CYBC1: variants seen among roughly 807,000 people sequenced by gnomAD.
CYBC1 encodes cytochrome b-245 chaperone 1, also known as essential for reactive oxygen species protein.
A neutral mutation model predicts 21.7 loss-of-function variants in CYBC1; 22 were observed. The observed-to-expected ratio is 1.02, with a 90% CI of 0.73 to 1.45. The LOEUF (loss-of-function observed/expected upper bound fraction) is 1.45, where lower values mean the gene tolerates loss of function less well. CYBC1 is among the 40% of genes most tolerant of loss of function. CYBC1 has a pLI of 0.00. For missense variants in CYBC1, 237 were observed against 242.1 expected (o/e 0.98, Z 0.14); for synonymous variants, 112 against 98.7 (o/e 1.13, Z -0.80).
chr17:82,442,879 C>T lies in CYBC1; in HGVS notation c.*1125G>A, dbSNP rs8008. 0.11 allele frequency: 38,934 copies of T among 348,118 alleles called. 2,830 individuals are homozygous for T. The highest frequency in any genetic ancestry group is 0.22 in the East Asian group (4,766 of 21,190). The allele number at this position is 348,118 out of a possible 1,614,324, so 21.6% of individuals were successfully genotyped here. A position where few individuals can be genotyped will look rare whatever the true frequency, so the allele number is the denominator to read the frequency against. ...GCCAGGGCATCAGGCCAGGCGCGCTCGGTGCACACCGCACCTGGGAGGACC... is the reference window on the plus strand; with the variant it reads ...GCCAGGGCATCAGGCCAGGCGCGCTTGGTGCACACCGCACCTGGGAGGACC... On this transcript the variant is annotated 3_prime_UTR_variant, in exon 7 of 7. Transcript: ENST00000306645. The surrounding 1 kb of genome is among the most constrained non-coding windows in gnomAD (Gnocchi z 6.8).
chr17:82,446,182 G>A (rs2054277309), intron 4 of CYBC1, among the ~76,000 whole-genome samples: 3 of 152,234 alleles, frequency 2.0e-5, no homozygotes, highest in African/African-American at 4.8e-5. Context: ...GTGGGCAGGT[G>A]CAGCAGGCGC....
Position 82,444,126 on chromosome 17 carries a change from T to C in CYBC1, c.444-2A>G, listed in dbSNP as rs761919979. On this transcript the variant is annotated splice_acceptor_variant, in intron 6 of 6. Coordinates refer to ENST00000306645, the MANE Select transcript of CYBC1 (RefSeq NM_001033046.4). LOFTEE classifies it high-confidence loss of function. The stretch of plus-strand genomic sequence containing the variant: ...AGCTTGGCGATGGCTTCCACATCAC[T>C]GGGCGAGGCCGGCAACGGGAGGAAG... 1.9e-6 allele frequency: 3 copies of C among 1,608,780 alleles called. No homozygotes were observed. The highest frequency in any genetic ancestry group is 2.6e-6 in the Non-Finnish European group (3 of 1,176,300).
chr17:82,444,305 G>A (rs1021760692), intron 6 of CYBC1, 142 bp downstream of exon 6: 3 of 1,431,490 alleles, frequency 2.1e-6, no homozygotes, highest in South Asian at 1.4e-5. Flanking sequence ...CCCTGAGCCT[G>A]CACACGCTTC....
chr17:82,444,575 A>C lies in CYBC1; in HGVS notation c.315T>G (p.His105Gln). 1 of 1,611,556 alleles carries C rather than the reference A, an allele frequency of 6.2e-7. No individual in the cohort carries two copies. The highest frequency in any genetic ancestry group is 1.3e-5 in the African/African-American group (1 of 75,044). Reference protein sequence around the residue: ...AGHDQVVVLLHDVRDVSVEEE... With the variant: ...AGHDQVVVLLQDVRDVSVEEE... Reference sequence around the variant, plus strand: ...CCTCCACGCTCACATCACGGACATCATGGAGCAGGACCACCACTGCGGGGA... The same window carrying C: ...CCTCCACGCTCACATCACGGACATCCTGGAGCAGGACCACCACTGCGGGGA... Residue 105 changes from histidine to glutamine, a missense_variant, in exon 6 of 7, where the codon CAT (histidine) becomes CAG (glutamine). By Grantham distance (24) the His-to-Gln change is conservative. Coordinates refer to ENST00000306645, the MANE Select transcript of CYBC1 (RefSeq NM_001033046.4).
chr17:82,444,478 G>C lies in CYBC1; in HGVS notation c.412C>G (p.Leu138Val), dbSNP rs750092088. ...LRLATGFSHPLTQSAVMGHRS... is the reference protein window; with the variant it reads ...LRLATGFSHPVTQSAVMGHRS... ...TGGCCCATGACTGCACTCTGCGTGA[G>C]GGGGTGGGAGAAGCCCGTCGCAAGC... is the stretch of plus-strand genomic sequence containing the variant. The change falls in exon 6 of 7, where the codon CTC becomes GTC. Residue 138 changes from leucine to valine, a missense_variant. Leu to Val is a conservative substitution (Grantham distance 32, BLOSUM62 1). Transcript: ENST00000306645. 2.5e-6 allele frequency: 4 copies of C among 1,613,350 alleles called. No individual in the cohort carries two copies. The highest frequency in any genetic ancestry group is 2.2e-5 in the South Asian group (2 of 91,070).
At chr17:82,444,642 C>T (rs374252235) in intron 5 of CYBC1, 51 bp from the exon 6 acceptor site, 55 of 1,549,356 alleles carry the variant, frequency 3.5e-5, no homozygotes, top group Middle Eastern at 1.7e-4. Context: ...ACATGCTGCC[C>T]GGCAGTCGCA....
rs2054310024 is a variant in CYBC1, at chr17:82,446,664, C to CT, written c.159dup (p.Gly54ArgfsTer53). 1 of 1,614,020 alleles carries CT rather than the reference C, an allele frequency of 6.2e-7. No homozygotes were observed. On this transcript the variant is annotated frameshift_variant, in exon 4 of 7. Coordinates refer to ENST00000306645, the MANE Select transcript of CYBC1 (RefSeq NM_001033046.4). LOFTEE classifies it high-confidence loss of function. ...TTCTGCACAGCCACAAACAGGCAGC[C>CT]TGTGACGTAGAAGAGCTTCCAGCCC...
chr17:82,448,222 G>T, intron 2 of CYBC1: 1 of 190,656 alleles, frequency 5.2e-6, no homozygotes. Context: ...CCTACTGGTG[G>T]GTAGCGATGG....
At position 82,444,311 on chromosome 17, in the gene CYBC1, G is replaced by C. The variant is rs1187308248; in HGVS notation, c.443+136C>G. 4 of 1,436,694 alleles carry C rather than the reference G, an allele frequency of 2.8e-6. No homozygotes were observed. In the East Asian group the frequency reaches 9.4e-5, roughly 34 times the overall value. The allele number at this position is 1,436,694 out of a possible 1,614,324, so 89.0% of individuals were successfully genotyped here. A position where few individuals can be genotyped will look rare whatever the true frequency, so the allele number is the denominator to read the frequency against. ...TGGGGCTGCCCCTGAGCCTGCACAC[G>C]CTTCCCGTGGGCCCCTCTGTGTCCC... On this transcript the variant is annotated intron_variant, in intron 6 of 6. Coordinates refer to ENST00000306645, the MANE Select transcript of CYBC1 (RefSeq NM_001033046.4).
intron 4 of CYBC1, 77 bp downstream of exon 4, chr17:82,446,546 C>T (rs749865248): frequency 2.1e-6 from 3 of 1,450,498 alleles, no homozygotes; most frequent in Non-Finnish European, 2.9e-6. Flanking sequence ...GGCCCTTCCT[C>T]CTCCTTTCAT....
chr17:82,449,071 G>C, intron 2 of CYBC1, 99 bp downstream of exon 2: 1 of 953,276 alleles, frequency 1.0e-6, no homozygotes, highest in East Asian at 2.7e-5. Context: ...AGATTTCAAG[G>C]TAATAGAAAA....
At chr17:82,449,009 C>T in intron 2 of CYBC1, 161 bp downstream of exon 2, 1 of 613,788 alleles carries the variant, frequency 1.6e-6, no homozygotes, top group Non-Finnish European at 2.8e-6. Flanking sequence ...ATCTGTAAAA[C>T]CAAGTACACC....
intron 5 of CYBC1, chr17:82,444,855 T>A (rs2054186907): frequency 2.0e-6 from 1 of 490,738 alleles, no homozygotes; most frequent in African/African-American, 1.9e-5. Flanking sequence ...GAGTGCCGAC[T>A]GCGGGGACCC....
In CYBC1 at chr17:82,442,749, C is replaced by T. The variant is rs1002374983; in HGVS notation, c.*1255G>A. The T allele has an allele frequency of 3.8e-4, 271 of 719,874 alleles. No homozygotes were observed. The highest frequency in any genetic ancestry group is 5.2e-4 in the Non-Finnish European group (234 of 448,924). 44.6% of individuals were successfully genotyped at this position (719,874 alleles called of 1,614,324 possible). A position where few individuals can be genotyped will look rare whatever the true frequency, so the allele number is the denominator to read the frequency against. On this transcript the variant is annotated 3_prime_UTR_variant, in exon 7 of 7. Coordinates refer to ENST00000306645, the MANE Select transcript of CYBC1 (RefSeq NM_001033046.4). The surrounding 1 kb of genome is among the most constrained non-coding windows in gnomAD (Gnocchi z 6.8). ...CCATCTCTCTCCTGTCGGCTTTCACCGAGGTCACAGCCAGACGTGGGGCAA... is the reference window on the plus strand; with the variant it reads ...CCATCTCTCTCCTGTCGGCTTTCACTGAGGTCACAGCCAGACGTGGGGCAA...
intron 5 of CYBC1, chr17:82,445,525 A>G: frequency 4.7e-6 from 1 of 210,608 alleles, no homozygotes; most frequent in Admixed American, 5.5e-5. Context: ...AATGCAGCTA[A>G]ACAGAGGCTG....
At chr17:82,446,134 A>G (rs1225604330) in intron 4 of CYBC1, among the ~76,000 whole-genome samples, 174 bp from the exon 5 acceptor site, 1 of 152,194 alleles carries the variant, frequency 6.6e-6, no homozygotes, top group Non-Finnish European at 1.5e-5. Flanking sequence ...AGAGCCGGAT[A>G]TCGGCAGCCA....
intron 3 of CYBC1, 27 bp downstream of exon 3, chr17:82,447,553 G>A (rs1229026076): frequency 2.6e-6 from 4 of 1,554,996 alleles, no homozygotes; most frequent in South Asian, 1.2e-5. Context: ...AGACAGTCAT[G>A]GGGGGGTGGG....
At chr17:82,449,313 C>A in intron 1 of CYBC1, 21 bp from the exon 2 acceptor site, 1 of 1,409,118 alleles carries the variant, frequency 7.1e-7, no homozygotes, top group Non-Finnish European at 9.5e-7. Flanking sequence ...ACAGAGGCAG[C>A]TGAGCCCTTG....
At chr17:82,449,139 G>T (rs1158468084) in intron 2 of CYBC1, 31 bp downstream of exon 2, 1 of 1,501,748 alleles carries the variant, frequency 6.7e-7, no homozygotes, top group Non-Finnish European at 8.9e-7. Flanking sequence ...TCCGGTTCTG[G>T]GGTTCTGGGG....
Sources: allele counts gnomAD v4.1 joint callset (sites outside exome capture counted in the v4.1 genomes callset), GRCh38; gene constraint gnomAD v4.1.1; non-coding constraint Gnocchi (gnomAD v3.1); transcripts MANE v1.5; gene names NCBI Gene and HGNC (gene_info 2026-07-23, HGNC 2026-07-21).